PIAS2: variants seen among roughly 807,000 people sequenced by gnomAD.
PIAS2 encodes protein inhibitor of activated STAT 2.
A neutral mutation model predicts 69.7 loss-of-function variants in PIAS2; 19 were observed. That is an observed-to-expected ratio of 0.27 (90% CI 0.19 to 0.40). PIAS2 has a LOEUF of 0.40. Ranked by LOEUF, PIAS2 falls within the 10% of genes least tolerant of loss-of-function variation. PIAS2 has a pLI of 1.00. For missense variants in PIAS2, 624 were observed against 757.0 expected (o/e 0.82, Z 2.06); for synonymous variants, 261 against 263.2 (o/e 0.99, Z 0.08).
chr18:46,917,557 G>T (rs2058129926), upstream of PIAS2: 14 of 1,115,324 alleles, frequency 1.3e-5, no homozygotes, highest in Non-Finnish European at 1.5e-5. Context: ...CGCCCCTAGC[G>T]GTGCCCCCTG....
chr18:46,917,434 C>G lies in PIAS2; in HGVS notation c.-89G>C, dbSNP rs556359835. 3.6e-4 allele frequency: 489 copies of G among 1,353,638 alleles called. 6 individuals are homozygous for G. The South Asian group carries it at 7.5e-3, about 21-fold the overall frequency. 83.9% of individuals were successfully genotyped at this position (1,353,638 alleles called of 1,614,324 possible). A position where few individuals can be genotyped will look rare whatever the true frequency, so the allele number is the denominator to read the frequency against. Reference sequence around the variant, plus strand: ...GCTGCCGCCACCACGGCCGCCGCCGCCTCCAGCACCATCCTGCACTGGGCG... The same window carrying G: ...GCTGCCGCCACCACGGCCGCCGCCGGCTCCAGCACCATCCTGCACTGGGCG... On this transcript the variant is annotated 5_prime_UTR_variant, in exon 1 of 14. Coordinates refer to ENST00000585916, the MANE Select transcript of PIAS2 (RefSeq NM_004671.5).
At chr18:46,874,176 A>T (rs1228446727) in intron 2 of PIAS2, among the ~76,000 whole-genome samples, 1 of 152,188 alleles carries the variant, frequency 6.6e-6, no homozygotes, top group African/African-American at 2.4e-5. Context: ...GAATCCTAAG[A>T]AAACCACCCA....
rs1355034697 is a variant in PIAS2 at position 46,807,352 on chromosome 18, ATT to A, written c.*5079_*5080del. ...CGTAGGTGTTTCTGAAACATGTCAG[ATT>A]TTATATATATATATATATATATATA... On this transcript the variant is annotated 3_prime_UTR_variant, in exon 14 of 14. Transcript: ENST00000585916. 1.4e-4 allele frequency: 9 copies of A among 65,664 alleles called. No individual in the cohort carries two copies. The highest frequency in any genetic ancestry group is 7.4e-4 in the African/African-American group (9 of 12,240). 4.1% of individuals were successfully genotyped at this position (65,664 alleles called of 1,614,324 possible). A position where few individuals can be genotyped will look rare whatever the true frequency, so the allele number is the denominator to read the frequency against.
At chr18:46,868,429 C>T (rs2049820979) in intron 2 of PIAS2, among the ~76,000 whole-genome samples, 1 of 152,202 alleles carries the variant, frequency 6.6e-6, no homozygotes, top group Admixed American at 6.5e-5. Flanking sequence ...GCCGAAACTA[C>T]CCTTCCCGCC....
intron 9 of PIAS2, among the ~76,000 whole-genome samples, chr18:46,832,912 G>C (rs553456): frequency 2.6e-4 from 37 of 145,002 alleles, no homozygotes; most frequent in African/African-American, 9.5e-4. Context: ...AAAAAAAAGA[G>C]AAGCCATACC....
intron 13 of PIAS2, 95 bp from the exon 14 acceptor site, chr18:46,812,707 C>A: frequency 1.4e-6 from 1 of 694,486 alleles, no homozygotes; most frequent in Non-Finnish European, 2.4e-6. Context: ...GCAATAGTCA[C>A]ATATTTAAAT....
At chr18:46,882,783 A>G (rs562836421) in intron 2 of PIAS2, among the ~76,000 whole-genome samples, 1 of 152,330 alleles carries the variant, frequency 6.6e-6, no homozygotes. Flanking sequence ...CTGTTAAGAA[A>G]GATTGTCACG....
intron 3 of PIAS2, among the ~76,000 whole-genome samples, chr18:46,861,846 G>C (rs1288217988): frequency 1.3e-5 from 2 of 152,164 alleles, no homozygotes; most frequent in Admixed American, 1.3e-4. Context: ...TCTAGGAACA[G>C]AAGACGTTTA....
intron 2 of PIAS2, among the ~76,000 whole-genome samples, chr18:46,875,170 C>T (rs1240620101): frequency 6.6e-6 from 1 of 152,152 alleles, no homozygotes; most frequent in Non-Finnish European, 1.5e-5. Context: ...GATGAACGAA[C>T]TCAAAGGCAG....
In PIAS2 at chr18:46,836,368, T is replaced by C; in HGVS notation, c.1191A>G (p.Leu397=). 6.2e-7 allele frequency: 1 copy of C among 1,613,924 alleles called. No individual in the cohort carries two copies. Among genetic ancestry groups the C allele is most frequent in the Non-Finnish European group, 8.5e-7 (1 of 1,179,798 alleles). Reference sequence around the variant, plus strand: ...AGGGATATACTTACCCATCTAATATTAGACTTTCATAGGCAGCTTTTTTGT... The same window carrying C: ...AGGGATATACTTACCCATCTAATATCAGACTTTCATAGGCAGCTTTTTTGT... ...VCDKKAAYES[L]ILDGLFMEIL... Residue 397 remains leucine (L), a synonymous_variant, in exon 9 of 14, where the codon CTA becomes CTG. Transcript: ENST00000585916.
intron 2 of PIAS2, among the ~76,000 whole-genome samples, chr18:46,872,116 C>G (rs1443082384): frequency 1.3e-5 from 2 of 152,162 alleles, no homozygotes; most frequent in Non-Finnish European, 2.9e-5. Context: ...GCGCCTTGAA[C>G]ACTGTATGTC....
At chr18:46,901,453 C>T (rs939630147) in intron 1 of PIAS2, among the ~76,000 whole-genome samples, 3 of 152,068 alleles carry the variant, frequency 2.0e-5, no homozygotes, top group Non-Finnish European at 2.9e-5. Context: ...TGAATATAGA[C>T]GTTAAAACCC....
intron 3 of PIAS2, 49 bp downstream of exon 3, chr18:46,864,115 G>A (rs369188533): frequency 6.4e-5 from 69 of 1,083,886 alleles, no homozygotes; most frequent in Non-Finnish European, 8.9e-5. Context: ...AGCCCTACAG[G>A]TGAATAAACC....
At chr18:46,900,892 T>C in intron 1 of PIAS2, 1 of 241,366 alleles carries the variant, frequency 4.1e-6, no homozygotes, top group Non-Finnish European at 8.2e-6. Flanking sequence ...AAGAATCACC[T>C]GAACCCTAGA....
chr18:46,880,376 C>T (rs1297390238), intron 2 of PIAS2, among the ~76,000 whole-genome samples: 3 of 152,016 alleles, frequency 2.0e-5, no homozygotes, highest in Admixed American at 6.6e-5. Flanking sequence ...GACAGAGAGA[C>T]CCTGTCTCAA....
chr18:46,827,349 T>C (rs1234913002), intron 11 of PIAS2: 2 of 152,064 alleles, frequency 1.3e-5, no homozygotes, highest in African/African-American at 4.8e-5. Flanking sequence ...TTACAGAGAA[T>C]CCACGCTAAA....
chr18:46,809,405 G>A lies in PIAS2; in HGVS notation c.*3028C>T, dbSNP rs1447978708. 1 of 152,170 alleles carries A rather than the reference G, an allele frequency of 6.6e-6. No homozygotes were observed. The highest frequency in any genetic ancestry group is 2.4e-5 in the African/African-American group (1 of 41,434). 9.4% of individuals were successfully genotyped at this position (152,170 alleles called of 1,614,324 possible). A position where few individuals can be genotyped will look rare whatever the true frequency, so the allele number is the denominator to read the frequency against. ...CTATTTTCAGCACCAATTACACTGTGGGGGGTTACCAGAACAAGAAAAGGC... is the reference window on the plus strand; with the variant it reads ...CTATTTTCAGCACCAATTACACTGTAGGGGGTTACCAGAACAAGAAAAGGC... On this transcript the variant is annotated 3_prime_UTR_variant, in exon 14 of 14. Transcript: ENST00000585916.
chr18:46,920,085 C>T (rs2058452672), upstream of PIAS2: 1 of 1,289,732 alleles, frequency 7.8e-7, no homozygotes, highest in Admixed American at 2.3e-5. Context: ...AGTTGCTTCC[C>T]AGCATTCATT....
chr18:46,896,397 T>C (rs543778523), intron 1 of PIAS2, among the ~76,000 whole-genome samples: 1 of 152,274 alleles, frequency 6.6e-6, no homozygotes, highest in East Asian at 1.9e-4. Flanking sequence ...AAGAGGTATA[T>C]TGTCTTGCCC....
Sources: gnomAD v4.1 joint callset for allele counts (sites outside exome capture counted in the v4.1 genomes callset) on GRCh38, gnomAD v4.1.1 for gene constraint, MANE v1.5 for transcripts, NCBI Gene and HGNC (gene_info 2026-07-23, HGNC 2026-07-21) for gene names.